Variants in YIPF7 observed in about 807,000 individuals in gnomAD.
YIPF7 encodes protein YIPF7.
In YIPF7, 35 loss-of-function variants were observed where a neutral mutation model predicts 27.2. The ratio of observed to expected loss-of-function variants is 1.29; its 90% confidence interval spans 0.98 to 1.70. YIPF7 has a LOEUF of 1.70. YIPF7 is among the 40% of genes most tolerant of loss of function. YIPF7 has a pLI of 0.00. For missense variants in YIPF7, 358 were observed against 303.7 expected, an observed-to-expected ratio of 1.18 and a Z score of -1.33; for synonymous variants, 137 against 110.4, an observed-to-expected ratio of 1.24 and a Z score of -1.51.
chr4:44,631,764 G>T (rs115400680), intron 3 of YIPF7, among the ~76,000 whole-genome samples: 1 of 152,022 alleles, frequency 6.6e-6, no homozygotes, highest in African/African-American at 2.4e-5. Flanking sequence ...CGTAATTTTT[G>T]AAAGAGAAGA....
chr4:44,656,995 A>G (rs1193044579), intron 2 of YIPF7, among the ~76,000 whole-genome samples: 1 of 152,204 alleles, frequency 6.6e-6, no homozygotes, highest in African/African-American at 2.4e-5. Flanking sequence ...AATTCTTCAC[A>G]ATGTTCTGTC....
chr4:44,630,047 G>A (rs1165132665), intron 3 of YIPF7, among the ~76,000 whole-genome samples: 1 of 152,154 alleles, frequency 6.6e-6, no homozygotes, highest in Non-Finnish European at 1.5e-5. Flanking sequence ...CACGATCTCA[G>A]CTCCTCCGCC....
intron 2 of YIPF7, among the ~76,000 whole-genome samples, chr4:44,636,822 G>A (rs1713139805): frequency 6.6e-6 from 1 of 151,930 alleles, no homozygotes; most frequent in East Asian, 1.9e-4. Context: ...ATTGTGTAGT[G>A]GTCAAATTAG....
chr4:44,649,828 G>T (rs1156443908), intron 2 of YIPF7, among the ~76,000 whole-genome samples, 157 bp downstream of exon 2: 1 of 151,836 alleles, frequency 6.6e-6, no homozygotes, highest in Admixed American at 6.6e-5. Context: ...TTAATTAGTT[G>T]CTTTCTTGGA....
rs17600797 is a variant in YIPF7, at chr4:44,624,789, C to A, written c.427-7G>T. 347,199 of 1,598,938 alleles carry A rather than the reference C, an allele frequency of 0.22. 38,945 individuals carry two copies. Among genetic ancestry groups the A allele is most frequent in the Middle Eastern group, 0.35 (2,091 of 5,982 alleles). On this transcript the variant is annotated splice_polypyrimidine_tract_variant and splice_region_variant and intron_variant, in intron 4 of 5. Coordinates refer to ENST00000415895, the MANE Select transcript of YIPF7 (RefSeq NM_182592.3). Reference sequence around the variant, plus strand: ...CAAACTGAACTTTTCCTGCCTGAAACGACGTGAAGAAAAAACAGTTTGAAC... The same window carrying A: ...CAAACTGAACTTTTCCTGCCTGAAAAGACGTGAAGAAAAAACAGTTTGAAC...
intron 1 of YIPF7, among the ~76,000 whole-genome samples, chr4:44,660,849 T>C (rs1212884947): frequency 2.0e-5 from 3 of 152,200 alleles, no homozygotes; most frequent in South Asian, 4.1e-4. Context: ...GTGAAAAATA[T>C]GTTTTTGTAG....
At chr4:44,660,125 A>AC (rs1447851562) in intron 2 of YIPF7, among the ~76,000 whole-genome samples, 3 of 146,200 alleles carry the variant, frequency 2.1e-5, no homozygotes, top group Admixed American at 6.8e-5. Context: ...AAAAAAAAAA[A>AC]AAAAAAAAAA....
intron 4 of YIPF7, among the ~76,000 whole-genome samples, chr4:44,625,522 T>C (rs1712605647): frequency 6.6e-6 from 1 of 152,236 alleles, no homozygotes; most frequent in African/African-American, 2.4e-5. Flanking sequence ...TGTTTCATGA[T>C]ACCTATTGCC....
At chr4:44,625,161 A>C (rs1212676707) in intron 4 of YIPF7, among the ~76,000 whole-genome samples, 1 of 152,224 alleles carries the variant, frequency 6.6e-6, no homozygotes, top group African/African-American at 2.4e-5. Context: ...TTAGTCTTGG[A>C]GATTTACAAG....
chr4:44,634,006 C>G (rs1713017358), intron 3 of YIPF7, among the ~76,000 whole-genome samples: 1 of 152,032 alleles, frequency 6.6e-6, no homozygotes, highest in Non-Finnish European at 1.5e-5. Context: ...GATCAGTTGA[C>G]AGTGTCAGTA....
intron 2 of YIPF7, among the ~76,000 whole-genome samples, chr4:44,644,895 G>A (rs1254996552): frequency 1.3e-5 from 2 of 152,100 alleles, no homozygotes; most frequent in African/African-American, 4.8e-5. Context: ...CCCCATTTCT[G>A]CTCTTTGATA....
At chr4:44,648,100 C>T (rs1488188777) in intron 2 of YIPF7, among the ~76,000 whole-genome samples, 1 of 151,996 alleles carries the variant, frequency 6.6e-6, no homozygotes, top group South Asian at 2.1e-4. Context: ...AAATCCTAAC[C>T]CCATTTCTTA....
chr4:44,626,046 G>A (rs1237776397), intron 4 of YIPF7, among the ~76,000 whole-genome samples: 6 of 152,130 alleles, frequency 3.9e-5, no homozygotes, highest in East Asian at 1.9e-4. Context: ...AATTAATCAG[G>A]GTAATGGAGA....
chr4:44,650,797 A>G (rs1489225200), intron 1 of YIPF7, among the ~76,000 whole-genome samples: 3 of 152,182 alleles, frequency 2.0e-5, no homozygotes, highest in African/African-American at 7.2e-5. Context: ...GTAAAGAGGA[A>G]TGATTGTTTT....
intron 4 of YIPF7, 156 bp downstream of exon 4, chr4:44,629,243 ATGGT>A: frequency 2.3e-6 from 2 of 855,264 alleles, no homozygotes; most frequent in Non-Finnish European, 3.2e-6. Flanking sequence ...GCAATGCATA[ATGGT>A]AGCATATTTT....
chr4:44,652,382 A>G (rs1051212991), upstream of YIPF7, among the ~76,000 whole-genome samples: 12 of 152,306 alleles, frequency 7.9e-5, no homozygotes, highest in South Asian at 2.5e-3. Flanking sequence ...CACAGTTGGA[A>G]GTCAAGTCCC....
intron 2 of YIPF7, among the ~76,000 whole-genome samples, chr4:44,656,798 G>T (rs940992844): frequency 6.6e-6 from 1 of 152,042 alleles, no homozygotes; most frequent in South Asian, 2.1e-4. Flanking sequence ...ACTGCAATTA[G>T]AGATTCAACG....
chr4:44,645,753 T>C (rs1713505661), intron 2 of YIPF7, among the ~76,000 whole-genome samples: 1 of 152,198 alleles, frequency 6.6e-6, no homozygotes, highest in African/African-American at 2.4e-5. Flanking sequence ...CGTCTCCTCT[T>C]CCTTTAAAAA....
intron 4 of YIPF7, among the ~76,000 whole-genome samples, chr4:44,627,856 C>T (rs1371956911): frequency 1.3e-5 from 2 of 151,926 alleles, no homozygotes; most frequent in African/African-American, 4.8e-5. Context: ...TTTCTCGCTT[C>T]CAGTTAAGAA....
Sources: gnomAD v4.1 joint callset for allele counts (sites outside exome capture counted in the v4.1 genomes callset) on GRCh38, gnomAD v4.1.1 for gene constraint, MANE v1.5 for transcripts, NCBI Gene and HGNC (gene_info 2026-07-23, HGNC 2026-07-21) for gene names.